Variants in WWP2 observed in about 807,000 individuals in gnomAD.
The protein encoded by WWP2 is NEDD4-like E3 ubiquitin-protein ligase WWP2.
In WWP2, 57 loss-of-function variants were observed where a neutral mutation model predicts 121.0. The ratio of observed to expected loss-of-function variants is 0.47; its 90% CI spans 0.38 to 0.59. The LOEUF (loss-of-function observed/expected upper bound fraction) is 0.59. Ranked by LOEUF, WWP2 falls within the 20% of genes least tolerant of loss-of-function variation. The pLI is 0.00. For synonymous variants in WWP2, 449 were observed against 441.3 expected, an observed-to-expected ratio of 1.02 and a Z score of -0.22; for missense variants, 962 against 1,158.9, an observed-to-expected ratio of 0.83 and a Z score of 2.47.
intron 8 of WWP2, among the ~76,000 whole-genome samples, chr16:69,890,541 T>TGG (rs147147023): frequency 0.017 from 2,602 of 152,246 alleles, 77 homozygotes; most frequent in African/African-American, 0.059. Flanking sequence ...ATGTTATAAT[T>TGG]TGGGGGGAAC....
At chr16:69,842,504 A>G (rs2056998360) in intron 6 of WWP2, among the ~76,000 whole-genome samples, 1 of 151,930 alleles carries the variant, frequency 6.6e-6, no homozygotes, top group Admixed American at 6.6e-5. Flanking sequence ...TGGAGTCCCC[A>G]GTGTTTATTA....
intron 4 of WWP2, among the ~76,000 whole-genome samples, chr16:69,823,917 C>G (rs368270351): frequency 2.6e-5 from 4 of 152,354 alleles, no homozygotes; most frequent in East Asian, 3.9e-4. Flanking sequence ...GCCATCTTCT[C>G]CAAGGGCCTG....
Position 69,925,544 on chromosome 16 carries a change from C to G in WWP2, c.1234+60C>G. ...TCCGTCAGCCACGGTGCTCTGTCCT[C>G]TCCTCCCGCGTGTCTTCCTTCCCTG... On this transcript the variant is annotated intron_variant, in intron 11 of 23. Coordinates refer to ENST00000359154, the MANE Select transcript of WWP2 (RefSeq NM_001270454.2). This position sits in a 1 kb window ranked among gnomAD's most constrained non-coding sequence, Gnocchi z 4.0. 6.3e-7 allele frequency: 1 copy of G among 1,592,970 alleles called. No homozygotes were observed. Among genetic ancestry groups the G allele is most frequent in the Non-Finnish European group, 8.6e-7 (1 of 1,167,470 alleles).
chr16:69,923,379 A>C (rs1282628958), intron 10 of WWP2, among the ~76,000 whole-genome samples: 1 of 150,912 alleles, frequency 6.6e-6, no homozygotes, highest in African/African-American at 2.4e-5. Flanking sequence ...TTTTTTAAAA[A>C]CCCTTTAACG....
chr16:69,886,481 C>T (rs1056099649), intron 7 of WWP2, among the ~76,000 whole-genome samples: 8 of 151,706 alleles, frequency 5.3e-5, no homozygotes, highest in Non-Finnish European at 1.0e-4. Flanking sequence ...CTTTCTGGGC[C>T]AGGTGCCCTG....
intron 8 of WWP2, among the ~76,000 whole-genome samples, chr16:69,893,169 C>T (rs2058055377): frequency 6.6e-6 from 1 of 152,202 alleles, no homozygotes; most frequent in Non-Finnish European, 1.5e-5. Context: ...ATCAGTAAAT[C>T]CTCTGGGACT....
At chr16:69,919,253 C>T (rs754729331) in intron 10 of WWP2, among the ~76,000 whole-genome samples, 1 of 14,086 alleles carries the variant, frequency 7.1e-5, no homozygotes, top group Non-Finnish European at 1.1e-4. Flanking sequence ...GTAACCTCCA[C>T]TGCCCGGGTT....
intron 6 of WWP2, among the ~76,000 whole-genome samples, chr16:69,852,408 C>G (rs2057233669): frequency 1.3e-5 from 2 of 152,000 alleles, no homozygotes; most frequent in Non-Finnish European, 2.9e-5. Context: ...TCCTGAGTAG[C>G]TGGGTGGCAC....
intron 7 of WWP2, among the ~76,000 whole-genome samples, chr16:69,882,364 T>C (rs1010997927): frequency 3.3e-5 from 5 of 152,238 alleles, no homozygotes; most frequent in African/African-American, 1.2e-4. Flanking sequence ...TCTTTTCTTT[T>C]CCCTTTGAAA....
At chr16:69,796,853 T>C (rs1244406421) in intron 2 of WWP2, among the ~76,000 whole-genome samples, 1 of 152,252 alleles carries the variant, frequency 6.6e-6, no homozygotes, top group Non-Finnish European at 1.5e-5. Context: ...CTCCCTTCTG[T>C]TCCTTTGGGG....
chr16:69,931,413 TG>T (rs1309009149), intron 14 of WWP2, 95 bp from the exon 15 acceptor site: 16 of 1,553,512 alleles, frequency 1.0e-5, no homozygotes, highest in Middle Eastern at 3.4e-4. Context: ...TATTGCCTCC[TG>T]GCCCAGCAGG....
chr16:69,855,485 C>CT (rs1469241788), intron 6 of WWP2, among the ~76,000 whole-genome samples: 2 of 152,118 alleles, frequency 1.3e-5, no homozygotes, highest in Non-Finnish European at 2.9e-5. Context: ...CAGAGTGTTC[C>CT]TTTTTTCCCT....
chr16:69,865,736 G>A (rs187879991), intron 6 of WWP2, among the ~76,000 whole-genome samples: 4 of 152,326 alleles, frequency 2.6e-5, no homozygotes, highest in East Asian at 1.9e-4. Context: ...GTTGCCCTTT[G>A]AGATGGACAC....
In WWP2 at chr16:69,935,374, G is replaced by A. The variant is rs576118675; in HGVS notation, c.1843-479G>A. 1.9e-4 allele frequency among the ~76,000 whole-genome samples: 29 copies of A among 152,294 alleles called. No homozygotes were observed. In the East Asian group the frequency reaches 3.3e-3, roughly 17 times the overall value. On this transcript the variant is annotated intron_variant, in intron 17 of 23. Transcript: ENST00000359154. This position sits in a 1 kb window ranked among gnomAD's most constrained non-coding sequence, Gnocchi z 5.2. ...GGCCCAGCAGCCAGCAGGACAGACC[G>A]GTAAAACCCTAGACTATTACTCACC...
intron 10 of WWP2, chr16:69,924,858 G>A (rs901363768): frequency 1.0e-5 from 9 of 891,594 alleles, no homozygotes; most frequent in African/African-American, 1.8e-5. Context: ...CTGGGTGGAC[G>A]CTGCACACCC....
At chr16:69,911,604 A>G (rs1313265300) in intron 9 of WWP2, among the ~76,000 whole-genome samples, 1 of 152,166 alleles carries the variant, frequency 6.6e-6, no homozygotes, top group East Asian at 1.9e-4. Flanking sequence ...GGAAGGGCTG[A>G]CTGGGCCTCC....
chr16:69,888,195 C>CG lies in WWP2; in HGVS notation c.863dup (p.Thr289TyrfsTer32). The CG allele has an allele frequency of 6.2e-7, 1 of 1,614,200 alleles. No individual in the cohort carries two copies. The highest frequency in any genetic ancestry group is 8.5e-7 in the Non-Finnish European group (1 of 1,180,036). ...GCTGAAGGAGAGGAACCCAGCACTT[C>CG]GGGTACACAGCAGCTCCCAGCGGCT... On this transcript the variant is annotated frameshift_variant, in exon 8 of 24. Coordinates refer to ENST00000359154, the MANE Select transcript of WWP2 (RefSeq NM_001270454.2). LOFTEE classifies it high-confidence loss of function.
At chr16:69,847,724 C>T (rs1400827536) in intron 6 of WWP2, among the ~76,000 whole-genome samples, 2 of 152,076 alleles carry the variant, frequency 1.3e-5, no homozygotes, top group African/African-American at 2.4e-5. Flanking sequence ...TTTTTAATAA[C>T]CCATTCTTGC....
rs562709972 is a variant in WWP2 at position 69,883,331 on chromosome 16, G to A, written c.704-4708G>A. Among the ~76,000 whole-genome samples the A allele has an allele frequency of 1.9e-4, 29 of 151,980 alleles. No individual in the cohort carries two copies. The South Asian group carries it at 4.6e-3, about 24-fold the overall frequency. ...GTATTGTTAGAACTTAATTTCTGCT[G>A]ACTATGAGTTGTGATGGGGTGGATT... On this transcript the variant is annotated intron_variant, in intron 7 of 23. Coordinates refer to ENST00000359154, the MANE Select transcript of WWP2 (RefSeq NM_001270454.2).
Sources: allele counts gnomAD v4.1 joint callset (sites outside exome capture counted in the v4.1 genomes callset), GRCh38; gene constraint gnomAD v4.1.1; non-coding constraint Gnocchi (gnomAD v3.1); transcripts MANE v1.5; gene names NCBI Gene and HGNC (gene_info 2026-07-23, HGNC 2026-07-21).